The following CACNA2D3 variants were observed in gnomAD, a reference collection of about 807,000 sequenced individuals.
CACNA2D3 encodes voltage-dependent calcium channel subunit alpha-2/delta-3.
In CACNA2D3, 60 loss-of-function variants were observed where a neutral mutation model predicts 160.6. That is an observed-to-expected ratio of 0.37 (90% CI 0.30 to 0.46). The LOEUF (loss-of-function observed/expected upper bound fraction) is 0.46. Ranked by LOEUF, CACNA2D3 falls within the 20% of genes least tolerant of loss-of-function variation. The pLI is 1.00. For synonymous variants in CACNA2D3, 558 were observed against 492.9 expected (o/e 1.13, Z -1.75); for missense variants, 1,205 against 1,365.0 (o/e 0.88, Z 1.85).
intron 35 of CACNA2D3, among the ~76,000 whole-genome samples, chr3:55,026,293 A>G (rs1703561978): frequency 6.6e-6 from 1 of 152,208 alleles, no homozygotes; most frequent in Admixed American, 6.5e-5. Context: ...TTCACTCAGA[A>G]AACAAATTAG....
chr3:55,004,613 A>G, intron 31 of CACNA2D3, 150 bp from the exon 32 acceptor site: 1 of 594,898 alleles, frequency 1.7e-6, no homozygotes, highest in South Asian at 2.2e-5. Flanking sequence ...GGCCTTTGCC[A>G]GGCTCCTTGT....
chr3:54,851,920 C>G (rs1232533281), intron 17 of CACNA2D3, among the ~76,000 whole-genome samples: 1 of 152,158 alleles, frequency 6.6e-6, no homozygotes, highest in Non-Finnish European at 1.5e-5. Flanking sequence ...TGCAGGTGCT[C>G]AAGACCCACC....
chr3:54,766,152 T>G (rs941765596), intron 13 of CACNA2D3, among the ~76,000 whole-genome samples: 4 of 152,040 alleles, frequency 2.6e-5, no homozygotes, highest in Non-Finnish European at 5.9e-5. Flanking sequence ...AAAAAAAACT[T>G]TTGTAAGCCA....
chr3:54,950,746 T>C (rs913320233), intron 27 of CACNA2D3, among the ~76,000 whole-genome samples: 5 of 152,182 alleles, frequency 3.3e-5, no homozygotes, highest in African/African-American at 1.2e-4. Flanking sequence ...TCAGTTGAGC[T>C]GAGCCTCAGA....
At chr3:54,911,514 C>T (rs1172832084) in intron 27 of CACNA2D3, among the ~76,000 whole-genome samples, 1 of 151,680 alleles carries the variant, frequency 6.6e-6, no homozygotes, top group Non-Finnish European at 1.5e-5. Flanking sequence ...ATCTGGAAGT[C>T]ATTCTTGACT....
intron 5 of CACNA2D3, among the ~76,000 whole-genome samples, chr3:54,537,088 C>T (rs1245110564): frequency 8.1e-6 from 1 of 122,846 alleles, no homozygotes; most frequent in Non-Finnish European, 1.8e-5. Flanking sequence ...ATAAGGAAAC[C>T]AAGGCAGAGA....
intron 2 of CACNA2D3, among the ~76,000 whole-genome samples, chr3:54,245,893 C>A (rs1166187430): frequency 6.6e-6 from 1 of 152,204 alleles, no homozygotes; most frequent in Non-Finnish European, 1.5e-5. Flanking sequence ...GCTTCTCTAT[C>A]ATCATTGTCA....
intron 2 of CACNA2D3, among the ~76,000 whole-genome samples, chr3:54,165,774 G>A (rs946767818): frequency 1.3e-5 from 2 of 151,934 alleles, no homozygotes; most frequent in African/African-American, 4.8e-5. Context: ...CTCCAGCTTG[G>A]GTGACAGAAT....
rs377127378 is a variant in CACNA2D3 at position 54,363,196 on chromosome 3, A to AAT, written c.322-23508_322-23507dup. On this transcript the variant is annotated intron_variant, in intron 3 of 37. Transcript: ENST00000474759. Reference sequence around the variant, plus strand: ...GCGATAGAGCGAGACTCCATCTCCAAATATATATATATGAGAATGTGCAAC... The same window carrying AAT: ...GCGATAGAGCGAGACTCCATCTCCAAATATATATATATATGAGAATGTGCAAC... Among the ~76,000 whole-genome samples the AAT allele has an allele frequency of 5.3e-5, 8 of 151,404 alleles. No homozygotes were observed. The East Asian group carries it at 6.2e-4, about 12-fold the overall frequency.
chr3:55,059,304 C>G (rs926646835), intron 35 of CACNA2D3, among the ~76,000 whole-genome samples: 3 of 152,200 alleles, frequency 2.0e-5, no homozygotes, highest in Admixed American at 1.3e-4. Flanking sequence ...ATTCTCCCTT[C>G]GATGTAGGGA....
At chr3:54,640,220 C>T (rs950258244) in intron 10 of CACNA2D3, among the ~76,000 whole-genome samples, 1 of 152,042 alleles carries the variant, frequency 6.6e-6, no homozygotes, top group East Asian at 1.9e-4. Flanking sequence ...AAAGAGAATA[C>T]GAAGCTAAGT....
At chr3:54,677,622 G>C (rs11130430) in intron 11 of CACNA2D3, among the ~76,000 whole-genome samples, 3 of 93,952 alleles carry the variant, frequency 3.2e-5, no homozygotes, top group Admixed American at 1.3e-4. Context: ...TTTTTTTTTG[G>C]GGGGGGGGCA....
chr3:54,758,519 C>T (rs1423206076), intron 12 of CACNA2D3, among the ~76,000 whole-genome samples: 1 of 152,068 alleles, frequency 6.6e-6, no homozygotes, highest in East Asian at 1.9e-4. Flanking sequence ...TCAGAGAAGA[C>T]AGGGAGGTAG....
intron 9 of CACNA2D3, among the ~76,000 whole-genome samples, chr3:54,620,570 C>A (rs538524384): frequency 6.6e-6 from 1 of 152,308 alleles, no homozygotes; most frequent in East Asian, 1.9e-4. Context: ...ACAGTGGTAA[C>A]AAAGCATTAA....
intron 13 of CACNA2D3, among the ~76,000 whole-genome samples, chr3:54,807,905 G>A (rs1436317855): frequency 6.7e-6 from 1 of 149,254 alleles, no homozygotes; most frequent in Non-Finnish European, 1.5e-5. Flanking sequence ...GTCCTTTGTA[G>A]GGACATGGAT....
chr3:54,688,506 G>A (rs367913012), intron 11 of CACNA2D3, among the ~76,000 whole-genome samples: 3 of 151,936 alleles, frequency 2.0e-5, no homozygotes, highest in African/African-American at 7.2e-5. Context: ...TATTGAGTGA[G>A]GTTTCTATTC....
intron 2 of CACNA2D3, chr3:54,273,182 T>C (rs1418200083): frequency 6.6e-6 from 1 of 152,298 alleles, no homozygotes; most frequent in African/African-American, 2.4e-5. Context: ...AGGAAACTTG[T>C]TGGAGAATGT....
intron 27 of CACNA2D3, among the ~76,000 whole-genome samples, chr3:54,966,428 C>G (rs1347501551): frequency 6.6e-6 from 1 of 152,144 alleles, no homozygotes; most frequent in Non-Finnish European, 1.5e-5. Context: ...GTTGTGTAGT[C>G]TGGCCACGTG....
chr3:54,859,116 T>C (rs1699230261), intron 17 of CACNA2D3, among the ~76,000 whole-genome samples: 1 of 152,232 alleles, frequency 6.6e-6, no homozygotes, highest in Non-Finnish European at 1.5e-5. Flanking sequence ...CGGGGTTAAA[T>C]CTGGTAGCAG....
Sources: gnomAD v4.1 joint callset for allele counts (sites outside exome capture counted in the v4.1 genomes callset) on GRCh38, gnomAD v4.1.1 for gene constraint, MANE v1.5 for transcripts, NCBI Gene and HGNC (gene_info 2026-07-23, HGNC 2026-07-21) for gene names.